SSBP2: variants seen among roughly 807,000 people sequenced by gnomAD.
The protein encoded by SSBP2 is single stranded DNA binding protein 2, also known as single-stranded DNA-binding protein 2.
A neutral mutation model predicts 61.8 loss-of-function variants in SSBP2; 17 were observed. That is an observed-to-expected ratio of 0.28 (90% CI 0.19 to 0.41). SSBP2 has a LOEUF of 0.41. Ranked by LOEUF, SSBP2 falls within the 10% of genes least tolerant of loss-of-function variation. SSBP2 has a pLI of 1.00. For synonymous variants in SSBP2, 139 were observed against 141.3 expected, an observed-to-expected ratio of 0.98 and a Z score of 0.12; for missense variants, 310 against 458.7, an observed-to-expected ratio of 0.68 and a Z score of 2.96.
intron 5 of SSBP2, among the ~76,000 whole-genome samples, chr5:81,492,200 T>C (rs112654499): frequency 6.6e-5 from 10 of 152,286 alleles, no homozygotes; most frequent in African/African-American, 1.7e-4. Flanking sequence ...CTGAGAAGAA[T>C]AGGTTCTTCA....
chr5:81,607,985 A>G (rs1331911471), intron 4 of SSBP2, among the ~76,000 whole-genome samples: 1 of 152,118 alleles, frequency 6.6e-6, no homozygotes, highest in Non-Finnish European at 1.5e-5. Context: ...TTTACTTCTC[A>G]CCAAGTTGTA....
chr5:81,510,206 C>A (rs1340876611), intron 5 of SSBP2, among the ~76,000 whole-genome samples: 2 of 152,100 alleles, frequency 1.3e-5, no homozygotes, highest in African/African-American at 2.4e-5. Context: ...AAACCTAGGA[C>A]AGGTCTATCA....
chr5:81,494,861 A>G (rs1423066405), intron 5 of SSBP2, among the ~76,000 whole-genome samples: 3 of 152,160 alleles, frequency 2.0e-5, no homozygotes, highest in Non-Finnish European at 2.9e-5. Context: ...CCAAATGTTC[A>G]CCTCATTTTC....
At chr5:81,681,814 A>C (rs1752407680) in intron 1 of SSBP2, among the ~76,000 whole-genome samples, 1 of 152,124 alleles carries the variant, frequency 6.6e-6, no homozygotes, top group South Asian at 2.1e-4. Context: ...TAAAATTGAT[A>C]AGCCTCTAGC....
intron 1 of SSBP2, among the ~76,000 whole-genome samples, chr5:81,704,948 TA>T (rs1436307367): frequency 1.3e-5 from 2 of 152,012 alleles, no homozygotes; most frequent in African/African-American, 4.8e-5. Context: ...ATAAAAATAA[TA>T]TATCACATTT....
intron 1 of SSBP2, among the ~76,000 whole-genome samples, chr5:81,655,405 T>C (rs1404335489): frequency 6.6e-6 from 1 of 152,122 alleles, no homozygotes; most frequent in African/African-American, 2.4e-5. Context: ...CTGCAAAAAG[T>C]AGAACCAGTC....
rs868461431 is a variant in SSBP2, at chr5:81,477,292, G to A, written c.433-2730C>T. Among the ~76,000 whole-genome samples the A allele has an allele frequency of 1.4e-4, 21 of 152,206 alleles. 1 individual carries two copies. The South Asian group carries it at 4.4e-3, about 32-fold the overall frequency. On this transcript the variant is annotated intron_variant, in intron 6 of 16. Coordinates refer to ENST00000320672, the MANE Select transcript of SSBP2 (RefSeq NM_012446.5). ...CAGGTGTATATGTACATGCATATAT[G>A]CACACGCATGGATCTGTGACTAATT...
chr5:81,701,692 C>T (rs1753994635), intron 1 of SSBP2, among the ~76,000 whole-genome samples: 1 of 152,092 alleles, frequency 6.6e-6, no homozygotes, highest in Non-Finnish European at 1.5e-5. Context: ...ACAAGCCCTC[C>T]AAAATACAAA....
intron 4 of SSBP2, among the ~76,000 whole-genome samples, chr5:81,542,933 C>A (rs1259264139): frequency 6.6e-6 from 1 of 151,802 alleles, no homozygotes; most frequent in East Asian, 2.0e-4. Flanking sequence ...CGACTCACTG[C>A]AACCTCTGCC....
At chr5:81,588,784 G>A (rs1452247306) in intron 4 of SSBP2, among the ~76,000 whole-genome samples, 2 of 152,098 alleles carry the variant, frequency 1.3e-5, no homozygotes, top group Admixed American at 6.6e-5. Flanking sequence ...ATGTTAATGG[G>A]CCCGTGCAGT....
Position 81,561,614 on chromosome 5 carries a change from GA to G in SSBP2, c.283-47898del, listed in dbSNP as rs931366948. Among the ~76,000 whole-genome samples the G allele has an allele frequency of 4.9e-3, 674 of 137,908 alleles. 3 individuals carry two copies. Among genetic ancestry groups the G allele is most frequent in the African/African-American group, 0.016 (600 of 37,712 alleles). 90.5% of individuals were successfully genotyped at this position (137,908 alleles called of 152,430 possible). A position where few individuals can be genotyped will look rare whatever the true frequency, so the allele number is the denominator to read the frequency against. The stretch of plus-strand genomic sequence containing the variant: ...GACAATTTGGGGATTAAGACCAAAA[GA>G]AAAAAAAAAAGAGCTAGAATCACCT... On this transcript the variant is annotated intron_variant, in intron 4 of 16. Coordinates refer to ENST00000320672, the MANE Select transcript of SSBP2 (RefSeq NM_012446.5).
intron 4 of SSBP2, among the ~76,000 whole-genome samples, chr5:81,563,663 G>A (rs1773214658): frequency 6.6e-6 from 1 of 152,096 alleles, no homozygotes; most frequent in African/African-American, 2.4e-5. Context: ...AGGGAAAGAA[G>A]AGTCTTCTAT....
chr5:81,609,220 A>T (rs1165473177), intron 4 of SSBP2, among the ~76,000 whole-genome samples: 1 of 152,200 alleles, frequency 6.6e-6, no homozygotes, highest in East Asian at 1.9e-4. Context: ...ACCATCTGTT[A>T]GCTAAGCACT....
chr5:81,656,619 A>G (rs1750239290), intron 1 of SSBP2, among the ~76,000 whole-genome samples: 1 of 152,130 alleles, frequency 6.6e-6, no homozygotes, highest in Admixed American at 6.6e-5. Flanking sequence ...AAATAAAATG[A>G]CATGTATATG....
At chr5:81,487,947 T>C (rs955353462) in intron 6 of SSBP2, among the ~76,000 whole-genome samples, 23 of 146,800 alleles carry the variant, frequency 1.6e-4, no homozygotes, top group Admixed American at 1.3e-3. Context: ...TCACTGCTAA[T>C]GTCTTCTAGG....
chr5:81,705,123 A>G (rs1390481553), intron 1 of SSBP2, among the ~76,000 whole-genome samples: 2 of 152,152 alleles, frequency 1.3e-5, no homozygotes, highest in Non-Finnish European at 1.5e-5. Context: ...TATATTATTT[A>G]CTCATCCACT....
At chr5:81,647,349 C>G (rs1380017052) in intron 2 of SSBP2, among the ~76,000 whole-genome samples, 1 of 151,994 alleles carries the variant, frequency 6.6e-6, no homozygotes, top group Non-Finnish European at 1.5e-5. Context: ...TATAGTATTA[C>G]TTTATGTACT....
intron 5 of SSBP2, among the ~76,000 whole-genome samples, chr5:81,501,610 T>G (rs1310931214): frequency 6.8e-6 from 1 of 146,098 alleles, no homozygotes; most frequent in Non-Finnish European, 1.5e-5. Flanking sequence ...TGGCCCAGGC[T>G]GGAGTGTAGT....
At chr5:81,526,767 T>C (rs1006421260) in intron 4 of SSBP2, among the ~76,000 whole-genome samples, 2 of 152,020 alleles carry the variant, frequency 1.3e-5, no homozygotes, top group African/African-American at 4.8e-5. Context: ...TTTGTTCTTC[T>C]TCTCAGGAGC....
Sources: gnomAD v4.1 joint callset for allele counts (sites outside exome capture counted in the v4.1 genomes callset) on GRCh38, gnomAD v4.1.1 for gene constraint, MANE v1.5 for transcripts, NCBI Gene and HGNC (gene_info 2026-07-23, HGNC 2026-07-21) for gene names.